PDE2A: variants seen among roughly 807,000 people sequenced by gnomAD.
The protein encoded by PDE2A is phosphodiesterase 2A.
Under a neutral mutation model 133.6 loss-of-function variants are expected in PDE2A, and 53 were observed. The observed-to-expected ratio is 0.40, with a 90% CI of 0.32 to 0.50. The LOEUF is 0.50. PDE2A is among the 20% of genes least tolerant of loss of function. The pLI, the probability that PDE2A is intolerant of heterozygous loss-of-function variation, is 0.73. For missense variants in PDE2A, 796 were observed against 1,232.4 expected, an observed-to-expected ratio of 0.65 and a Z score of 5.30; for synonymous variants, 491 against 490.2, an observed-to-expected ratio of 1.00 and a Z score of -0.02.
intron 2 of PDE2A, among the ~76,000 whole-genome samples, chr11:72,634,904 C>T (rs866531495): frequency 2.0e-5 from 3 of 152,328 alleles, no homozygotes; most frequent in South Asian, 2.1e-4. Flanking sequence ...AGCCTTTGGA[C>T]GCGGGGCCCT....
At chr11:72,652,393 C>A in intron 1 of PDE2A, 1 of 422,612 alleles carries the variant, frequency 2.4e-6, no homozygotes, top group South Asian at 1.7e-5. Context: ...ATTACAGGTG[C>A]ATGACATGGC....
At chr11:72,577,724 A>G (rs1057470290) in intron 30 of PDE2A, 130 bp from the exon 31 acceptor site, 25 of 675,018 alleles carry the variant, frequency 3.7e-5, no homozygotes, top group Middle Eastern at 4.0e-4. Flanking sequence ...TGTAATCCCA[A>G]CACTCAGAGA....
Position 72,578,527 on chromosome 11 carries a change from C to A in PDE2A, c.2470-13G>T, listed in dbSNP as rs774422003. 2 of 1,607,872 alleles carry A rather than the reference C, an allele frequency of 1.2e-6. No individual in the cohort carries two copies. Among genetic ancestry groups the A allele is most frequent in the Non-Finnish European group, 1.7e-6 (2 of 1,174,414 alleles). ...TGTAGATCAGCTCCTGAAAGGCCAA[C>A]ACTCTCATCACATCCTCTATGTAGG... On this transcript the variant is annotated splice_polypyrimidine_tract_variant and intron_variant, in intron 28 of 30. Coordinates refer to ENST00000334456, the MANE Select transcript of PDE2A (RefSeq NM_002599.5). This position sits in a 1 kb window ranked among gnomAD's most constrained non-coding sequence, Gnocchi z 4.2.
In PDE2A at chr11:72,590,338, G is replaced by T; in HGVS notation, c.703+89C>A. On this transcript the variant is annotated intron_variant, in intron 8 of 30. Coordinates refer to ENST00000334456, the MANE Select transcript of PDE2A (RefSeq NM_002599.5). The surrounding 1 kb of genome is among the most constrained non-coding windows in gnomAD (Gnocchi z 4.8). ...CGCTCAGCTCCGCGCCGGGCCCGCC[G>T]CCGGCTCCCGGGATCGCCTAACCCG... is the stretch of plus-strand genomic sequence containing the variant. The T allele has an allele frequency of 6.5e-7, 1 of 1,536,284 alleles. No homozygotes were observed. Among genetic ancestry groups the T allele is most frequent in the Non-Finnish European group, 8.8e-7 (1 of 1,134,346 alleles).
At chr11:72,635,343 T>C (rs1401771940) in intron 2 of PDE2A, among the ~76,000 whole-genome samples, 1 of 152,230 alleles carries the variant, frequency 6.6e-6, no homozygotes, top group Admixed American at 6.5e-5. Flanking sequence ...TTGCTTCTTG[T>C]TATGTTTTTA....
intron 19 of PDE2A, among the ~76,000 whole-genome samples, chr11:72,583,894 C>A (rs760014066): frequency 1.5e-4 from 23 of 152,164 alleles, no homozygotes; most frequent in Non-Finnish European, 3.1e-4. Context: ...CCCAGCACTT[C>A]CAAAAAAGCA....
In PDE2A at chr11:72,590,283, C is replaced by A. The variant is rs1409325816; in HGVS notation, c.704-39G>T. ...GCGCCGGTCAGAGAGAGGGCCCCTC[C>A]GCACCTCCGTGTCCGGGTCCCTCAG... On this transcript the variant is annotated intron_variant, in intron 8 of 30. Transcript: ENST00000334456. The surrounding 1 kb of genome is among the most constrained non-coding windows in gnomAD (Gnocchi z 4.8). 1 of 1,546,386 alleles carries A rather than the reference C, an allele frequency of 6.5e-7. No homozygotes were observed. The highest frequency in any genetic ancestry group is 1.2e-5 in the South Asian group (1 of 83,952).
intron 2 of PDE2A, among the ~76,000 whole-genome samples, chr11:72,629,279 A>AGCGGGG (rs1858252520): frequency 6.6e-6 from 1 of 152,242 alleles, no homozygotes; most frequent in African/African-American, 2.4e-5. Context: ...TGGCCTAGGC[A>AGCGGGG]GCGGGGGCTG....
chr11:72,630,705 G>A (rs560932871), intron 2 of PDE2A, among the ~76,000 whole-genome samples: 2 of 152,132 alleles, frequency 1.3e-5, no homozygotes, highest in African/African-American at 4.8e-5. Context: ...CCAGTGAGTG[G>A]CCCAGGGGAG....
intron 13 of PDE2A, 39 bp from the exon 14 acceptor site, chr11:72,586,220 G>T (rs1397925319): frequency 1.6e-6 from 2 of 1,215,034 alleles, no homozygotes; most frequent in African/African-American, 3.0e-5. Flanking sequence ...GGGAAGGGAA[G>T]ACTGGCTTCT....
chr11:72,585,675 G>C, intron 14 of PDE2A, 82 bp from the exon 15 acceptor site: 6 of 1,244,590 alleles, frequency 4.8e-6, no homozygotes, highest in Non-Finnish European at 5.8e-6. Context: ...AACAGCACCC[G>C]GGTCTTCTCC....
chr11:72,629,685 T>C (rs1858273436), intron 2 of PDE2A, among the ~76,000 whole-genome samples: 1 of 152,172 alleles, frequency 6.6e-6, no homozygotes. Context: ...CACCAGGCCC[T>C]GTGTGGGCAC....
At chr11:72,596,032 G>T (rs1856463475) in intron 6 of PDE2A, among the ~76,000 whole-genome samples, 1 of 152,104 alleles carries the variant, frequency 6.6e-6, no homozygotes, top group South Asian at 2.1e-4. Context: ...TCAGCCCTGG[G>T]TCTGGCTGGC....
At chr11:72,595,061 CACACACAT>C (rs1396442094) in intron 6 of PDE2A, among the ~76,000 whole-genome samples, 7 of 152,266 alleles carry the variant, frequency 4.6e-5, no homozygotes, top group South Asian at 4.1e-4. Context: ...CACACACACA[CACACACAT>C]TGGCCTCTGG....
Position 72,589,900 on chromosome 11 carries a change from C to G in PDE2A, c.831+7G>C. 6.2e-7 allele frequency: 1 copy of G among 1,612,660 alleles called. No homozygotes were observed. Among genetic ancestry groups the G allele is most frequent in the Admixed American group, 1.7e-5 (1 of 59,914 alleles). On this transcript the variant is annotated splice_region_variant and intron_variant, in intron 10 of 30. Coordinates refer to ENST00000334456, the MANE Select transcript of PDE2A (RefSeq NM_002599.5). Reference sequence around the variant, plus strand: ...GCCCCCGCTCTACAGTGGACCTGGGCCCTCACCTTGCAAGAAAGCTGGAGA... The same window carrying G: ...GCCCCCGCTCTACAGTGGACCTGGGGCCTCACCTTGCAAGAAAGCTGGAGA...
chr11:72,673,411 A>ACACC (rs1565202679), intron 1 of PDE2A, among the ~76,000 whole-genome samples: 1 of 151,210 alleles, frequency 6.6e-6, no homozygotes, highest in East Asian at 1.9e-4. Flanking sequence ...ACACACACAC[A>ACACC]CACACACATA....
intron 3 of PDE2A, among the ~76,000 whole-genome samples, chr11:72,608,117 G>A (rs956675688): frequency 1.6e-4 from 25 of 152,114 alleles, no homozygotes; most frequent in Non-Finnish European, 3.4e-4. Flanking sequence ...CCCCAAACCT[G>A]CAACTCATCC....
chr11:72,582,646 G>C, intron 20 of PDE2A, 80 bp from the exon 21 acceptor site: 3 of 1,412,494 alleles, frequency 2.1e-6, no homozygotes, highest in African/African-American at 1.4e-5. Flanking sequence ...CATGGCAGGT[G>C]GGGGATCCGT....
In PDE2A at chr11:72,597,430, A is replaced by C; in HGVS notation, c.433+80T>G. On this transcript the variant is annotated intron_variant, in intron 5 of 30. Transcript: ENST00000334456. This position sits in a 1 kb window ranked among gnomAD's most constrained non-coding sequence, Gnocchi z 4.6. ...GGAGACAGAGATGAAGAGGAATAGA[A>C]GACACACATGACCTGGAGTGCAGGG... 1 of 766,904 alleles carries C rather than the reference A, an allele frequency of 1.3e-6. No homozygotes were observed. The highest frequency in any genetic ancestry group is 2.3e-6 in the Non-Finnish European group (1 of 443,368). 47.5% of individuals were successfully genotyped at this position (766,904 alleles called of 1,614,324 possible).
Sources: allele counts gnomAD v4.1 joint callset (sites outside exome capture counted in the v4.1 genomes callset), GRCh38; gene constraint gnomAD v4.1.1; non-coding constraint Gnocchi (gnomAD v3.1); transcripts MANE v1.5; gene names NCBI Gene and HGNC (gene_info 2026-07-23, HGNC 2026-07-21).